Variants in BCKDHB observed in about 807,000 individuals in gnomAD.
BCKDHB encodes 2-oxoisovalerate dehydrogenase subunit beta, mitochondrial.
In BCKDHB, 41 loss-of-function variants were observed where a neutral mutation model predicts 48.5. The ratio of observed to expected loss-of-function variants is 0.85; its 90% confidence interval spans 0.66 to 1.10. BCKDHB has a LOEUF of 1.10. BCKDHB is among the 50% of genes least tolerant of loss of function. The pLI, the probability that BCKDHB is intolerant of heterozygous loss-of-function variation, is 0.00. For missense variants in BCKDHB, 496 were observed against 494.2 expected (o/e 1.00, Z -0.03); for synonymous variants, 201 against 174.8 (o/e 1.15, Z -1.18).
chr6:80,347,573 T>G (rs867928237), downstream of BCKDHB, among the ~76,000 whole-genome samples: 4 of 152,214 alleles, frequency 2.6e-5, no homozygotes, highest in Non-Finnish European at 4.4e-5. Flanking sequence ...TAATGCTATA[T>G]TTTCTATTCA....
chr6:80,463,273 G>A, the BCKDHB span: 1 of 152,276 alleles, frequency 6.6e-6, no homozygotes, highest in East Asian at 1.9e-4. Flanking sequence ...GAATTTTGAA[G>A]GGGTACTAGT....
At chr6:80,231,754 C>G (rs1283933673) in intron 8 of BCKDHB, among the ~76,000 whole-genome samples, 1 of 152,170 alleles carries the variant, frequency 6.6e-6, no homozygotes, top group Non-Finnish European at 1.5e-5. Flanking sequence ...ATTATGAGGT[C>G]AGGAGTTTGA....
intron 1 of BCKDHB, among the ~76,000 whole-genome samples, chr6:80,116,931 A>C (rs1769738100): frequency 6.6e-6 from 1 of 152,210 alleles, no homozygotes; most frequent in Non-Finnish European, 1.5e-5. Flanking sequence ...TTACTATGGC[A>C]GACATAAGCA....
chr6:80,123,119 C>A lies in BCKDHB; in HGVS notation c.197-4428C>A, dbSNP rs190469045. Among the ~76,000 whole-genome samples the A allele has an allele frequency of 1.2e-4, 19 of 152,174 alleles. 1 individual carries two copies. The East Asian group carries it at 2.7e-3, about 22-fold the overall frequency. On this transcript the variant is annotated intron_variant, in intron 1 of 9. Coordinates refer to ENST00000320393, the MANE Select transcript of BCKDHB (RefSeq NM_183050.4). ...GAAAAATATGGCTCTTTTTGCCTGA[C>A]CCCACAGGCAGTCAGACCTTATGGT...
At chr6:80,162,231 A>G (rs1477865859) in intron 3 of BCKDHB, among the ~76,000 whole-genome samples, 1 of 151,876 alleles carries the variant, frequency 6.6e-6, no homozygotes, top group Non-Finnish European at 1.5e-5. Flanking sequence ...TCCCATCCTT[A>G]TTGTTAGGTA....
At chr6:80,420,618 G>A in the BCKDHB span, among the ~76,000 whole-genome samples, 2 of 152,326 alleles carry the variant, frequency 1.3e-5, no homozygotes, top group East Asian at 3.9e-4. Flanking sequence ...ATGAGGTGCT[G>A]TCTACAGAGG....
intron 1 of BCKDHB, among the ~76,000 whole-genome samples, chr6:80,114,965 C>T (rs191311095): frequency 6.6e-6 from 1 of 152,344 alleles, no homozygotes; most frequent in East Asian, 1.9e-4. Flanking sequence ...GATGGGGCAA[C>T]CCAGGGACTC....
chr6:80,309,801 C>T (rs115350951), intron 9 of BCKDHB, among the ~76,000 whole-genome samples: 449 of 152,264 alleles, frequency 2.9e-3, no homozygotes, highest in African/African-American at 0.01. Flanking sequence ...TTATTGGCCA[C>T]ACAGGTAATA....
chr6:80,106,723 G>A lies in BCKDHB; in HGVS notation c.30G>A (p.Trp10Ter). Residue 10 changes from tryptophan (W) to a stop codon, truncating the protein, a stop_gained, in exon 1 of 10, where the codon TGG becomes TGA. Coordinates refer to ENST00000320393, the MANE Select transcript of BCKDHB (RefSeq NM_183050.4). LOFTEE classifies it high-confidence loss of function. The stretch of plus-strand genomic sequence containing the variant: ...CGGTTGTAGCGGCGGCTGCCGGCTG[G>A]CTACTCAGGCTCAGGGCGGCAGGGG... MAVVAAAAG[W>*]LLRLRAAGAE... The A allele has an allele frequency of 6.4e-7, 1 of 1,554,508 alleles. No homozygotes were observed.
intron 8 of BCKDHB, among the ~76,000 whole-genome samples, chr6:80,219,211 T>C (rs550285949): frequency 6.6e-6 from 1 of 151,982 alleles, no homozygotes; most frequent in Non-Finnish European, 1.5e-5. Context: ...TCTTTTTTTT[T>C]TTTTCTTTTT....
intron 6 of BCKDHB, among the ~76,000 whole-genome samples, chr6:80,171,844 T>A (rs1772934652): frequency 6.6e-6 from 1 of 152,174 alleles, no homozygotes; most frequent in South Asian, 2.1e-4. Context: ...GATGACTGTG[T>A]AAAGCAAACT....
intron 9 of BCKDHB, 21 bp from the exon 10 acceptor site, chr6:80,343,643 G>A (rs1366434485): frequency 3.1e-6 from 5 of 1,613,728 alleles, no homozygotes; most frequent in Middle Eastern, 1.7e-4. Flanking sequence ...TTGAAGTTAA[G>A]CATCCTGACT....
the BCKDHB span, among the ~76,000 whole-genome samples, chr6:80,451,743 AAAAAG>A: frequency 6.6e-6 from 1 of 152,046 alleles, no homozygotes; most frequent in African/African-American, 2.4e-5. Flanking sequence ...GAAAAAAAAA[AAAAAG>A]AAAGTGACAT....
chr6:80,323,886 T>A (rs948583264), intron 9 of BCKDHB, among the ~76,000 whole-genome samples: 1 of 152,060 alleles, frequency 6.6e-6, no homozygotes, highest in Non-Finnish European at 1.5e-5. Flanking sequence ...CATTCTCCTG[T>A]CTCAGCCTCC....
the BCKDHB span, among the ~76,000 whole-genome samples, chr6:80,351,847 G>GT: frequency 3.4e-5 from 5 of 146,720 alleles, no homozygotes; most frequent in South Asian, 1.1e-3. Context: ...TTGAGACGGA[G>GT]TTTCGCTCTT....
the BCKDHB span, chr6:80,440,601 G>C: frequency 6.7e-6 from 1 of 149,264 alleles, no homozygotes. Context: ...ATTTACTTCT[G>C]TTTTTAGCTT....
chr6:80,271,300 G>T (rs1039218213), intron 8 of BCKDHB, among the ~76,000 whole-genome samples: 1 of 152,078 alleles, frequency 6.6e-6, no homozygotes, highest in Non-Finnish European at 1.5e-5. Flanking sequence ...CTACTATGTT[G>T]ATGCATATTG....
At chr6:80,178,054 T>C (rs766261349) in intron 6 of BCKDHB, among the ~76,000 whole-genome samples, 2 of 152,226 alleles carry the variant, frequency 1.3e-5, no homozygotes, top group Non-Finnish European at 2.9e-5. Context: ...ACTGCCCTTA[T>C]CTTACCCAAT....
chr6:80,222,968 G>A (rs1291879907), intron 8 of BCKDHB, among the ~76,000 whole-genome samples: 4 of 152,174 alleles, frequency 2.6e-5, no homozygotes, highest in African/African-American at 9.7e-5. Flanking sequence ...CACATTAGAA[G>A]ATGGGGAAAA....
Sources: gnomAD v4.1 joint callset for allele counts (sites outside exome capture counted in the v4.1 genomes callset) on GRCh38, gnomAD v4.1.1 for gene constraint, MANE v1.5 for transcripts, NCBI Gene and HGNC (gene_info 2026-07-23, HGNC 2026-07-21) for gene names.